The following ARHGAP26 variants were observed in gnomAD, a reference collection of about 807,000 sequenced individuals.
ARHGAP26 encodes the protein Rho GTPase activating protein 26, also known as rho GTPase-activating protein 26.
In ARHGAP26, 38 loss-of-function variants were observed where a neutral mutation model predicts 104.8. The observed-to-expected ratio is 0.36, with a 90% CI of 0.28 to 0.48. The LOEUF is 0.48. ARHGAP26 is among the 20% of genes least tolerant of loss of function. The pLI is 0.99. For synonymous variants in ARHGAP26, 341 were observed against 340.0 expected, an observed-to-expected ratio of 1.00 and a Z score of -0.03; for missense variants, 704 against 947.9, an observed-to-expected ratio of 0.74 and a Z score of 3.38.
At position 143,218,251 on chromosome 5, in the gene ARHGAP26, C is replaced by T. The variant is rs10070792; in HGVS notation, c.2192-4107C>T. Among the ~76,000 whole-genome samples the T allele has an allele frequency of 4.5e-3, 685 of 152,284 alleles. 3 individuals are homozygous for T. The highest frequency in any genetic ancestry group is 0.016 in the African/African-American group (652 of 41,540). ...GCCCAGCTTTTTCCCGTCACAGGGC[C>T]GTTGTACTTGCACTACCCACTGCTC... On this transcript the variant is annotated intron_variant, in intron 22 of 22. Transcript: ENST00000645722.
chr5:143,154,514 C>T (rs940548202), intron 20 of ARHGAP26, among the ~76,000 whole-genome samples: 6 of 152,222 alleles, frequency 3.9e-5, no homozygotes, highest in African/African-American at 1.2e-4. Context: ...GTCCCTCAGC[C>T]ATGGTATGTA....
At chr5:143,211,920 G>A (rs1465890448) in intron 21 of ARHGAP26, among the ~76,000 whole-genome samples, 1 of 152,066 alleles carries the variant, frequency 6.6e-6, no homozygotes, top group African/African-American at 2.4e-5. Context: ...TAATATCAAT[G>A]GAATGTTACT....
At chr5:143,168,537 G>A (rs537843028) in intron 20 of ARHGAP26, 1 of 129,172 alleles carries the variant, frequency 7.7e-6, no homozygotes, top group African/African-American at 2.9e-5. Context: ...AAGATCTTAC[G>A]ACATTCTGCA....
At chr5:143,057,606 C>T (rs2150290843) in intron 16 of ARHGAP26, 36 bp from the exon 17 acceptor site, 1 of 1,557,498 alleles carries the variant, frequency 6.4e-7, no homozygotes. Context: ...TTAGCTGTGA[C>T]ACTGATAAGA....
intron 17 of ARHGAP26, among the ~76,000 whole-genome samples, chr5:143,058,674 T>C (rs1468699361): frequency 6.6e-6 from 1 of 152,268 alleles, no homozygotes; most frequent in African/African-American, 2.4e-5. Context: ...CATTAGGGTA[T>C]TTCTTGGGGA....
chr5:142,834,089 A>G (rs1029314257), intron 1 of ARHGAP26, among the ~76,000 whole-genome samples: 3 of 152,224 alleles, frequency 2.0e-5, no homozygotes, highest in African/African-American at 7.2e-5. Flanking sequence ...TGAGCATGAT[A>G]ATTTATTTCC....
chr5:142,795,901 G>A (rs1024319069), intron 1 of ARHGAP26, among the ~76,000 whole-genome samples: 1 of 152,166 alleles, frequency 6.6e-6, no homozygotes, highest in Non-Finnish European at 1.5e-5. Flanking sequence ...GATCCTGAAA[G>A]TATCTGCCCT....
chr5:143,046,094 AT>A (rs1452881476), intron 14 of ARHGAP26, among the ~76,000 whole-genome samples: 2 of 152,244 alleles, frequency 1.3e-5, no homozygotes, highest in African/African-American at 4.8e-5. Context: ...GGACTGCGTC[AT>A]TGCACTCCAG....
At chr5:143,044,208 A>G (rs550440061) in intron 14 of ARHGAP26, among the ~76,000 whole-genome samples, 1 of 152,218 alleles carries the variant, frequency 6.6e-6, no homozygotes, top group Non-Finnish European at 1.5e-5. Context: ...AAAAGCATCT[A>G]TTTGCTCATA....
chr5:142,924,271 T>G (rs986944042), intron 10 of ARHGAP26, among the ~76,000 whole-genome samples: 1 of 152,038 alleles, frequency 6.6e-6, no homozygotes, highest in Non-Finnish European at 1.5e-5. Context: ...TTCTTCTCCT[T>G]AAGATGCTGG....
intron 1 of ARHGAP26, among the ~76,000 whole-genome samples, chr5:142,813,800 C>T (rs1764591558): frequency 6.6e-6 from 1 of 152,180 alleles, no homozygotes; most frequent in Admixed American, 6.5e-5. Flanking sequence ...TTCTGAGGTA[C>T]TGTGAATGAG....
intron 1 of ARHGAP26, among the ~76,000 whole-genome samples, chr5:142,844,902 C>T (rs1279900970): frequency 6.6e-6 from 1 of 151,852 alleles, no homozygotes; most frequent in Non-Finnish European, 1.5e-5. Context: ...AGGATGGTAG[C>T]CCCCGTTTTG....
At chr5:143,097,062 T>C (rs1463004626) in intron 17 of ARHGAP26, among the ~76,000 whole-genome samples, 2 of 151,978 alleles carry the variant, frequency 1.3e-5, no homozygotes, top group Non-Finnish European at 2.9e-5. Flanking sequence ...ATACAGACCA[T>C]GCGCGGTGGC....
chr5:143,138,380 T>C (rs2150927721), intron 19 of ARHGAP26, among the ~76,000 whole-genome samples: 1 of 152,246 alleles, frequency 6.6e-6, no homozygotes, highest in East Asian at 1.9e-4. Flanking sequence ...AAGGGAATGA[T>C]GGGGAAATGC....
intron 12 of ARHGAP26, among the ~76,000 whole-genome samples, chr5:143,028,152 A>G (rs891689025): frequency 2.0e-5 from 3 of 152,202 alleles, no homozygotes; most frequent in Non-Finnish European, 2.9e-5. Flanking sequence ...TAGGTTTCCT[A>G]TCTACAAAAT....
At chr5:143,174,014 G>A (rs552166621) in intron 20 of ARHGAP26, among the ~76,000 whole-genome samples, 1 of 152,316 alleles carries the variant, frequency 6.6e-6, no homozygotes, top group African/African-American at 2.4e-5. Flanking sequence ...CTTCCTGTGT[G>A]TAAAGCAGGA....
At chr5:142,891,001 G>A (rs1391935276) in intron 5 of ARHGAP26, among the ~76,000 whole-genome samples, 1 of 149,908 alleles carries the variant, frequency 6.7e-6, no homozygotes, top group East Asian at 1.9e-4. Context: ...GATTTCTCCT[G>A]TTTTCCCCCT....
intron 9 of ARHGAP26, among the ~76,000 whole-genome samples, chr5:142,912,597 G>A (rs1362734035): frequency 6.6e-6 from 1 of 152,150 alleles, no homozygotes; most frequent in Non-Finnish European, 1.5e-5. Flanking sequence ...TATTTATTGA[G>A]GAGCTACTCT....
At chr5:143,008,211 G>A (rs973151516) in intron 11 of ARHGAP26, among the ~76,000 whole-genome samples, 2 of 152,234 alleles carry the variant, frequency 1.3e-5, no homozygotes, top group African/African-American at 2.4e-5. Flanking sequence ...GTGGTGGAGA[G>A]TGTTACTATC....
Sources: gnomAD v4.1 joint callset for allele counts (sites outside exome capture counted in the v4.1 genomes callset) on GRCh38, gnomAD v4.1.1 for gene constraint, MANE v1.5 for transcripts, NCBI Gene and HGNC (gene_info 2026-07-23, HGNC 2026-07-21) for gene names.